PSD3: variants seen among roughly 807,000 people sequenced by gnomAD.
PSD3 encodes PH and SEC7 domain-containing protein 3.
A neutral mutation model predicts 105.5 loss-of-function variants in PSD3; 49 were observed. The observed-to-expected ratio is 0.46, with a 90% CI of 0.37 to 0.59. The LOEUF (loss-of-function observed/expected upper bound fraction) is 0.59. Among genes scored for constraint, PSD3 ranks in the 20% least tolerant of loss-of-function variants. The probability of loss-of-function intolerance (pLI) is 0.00; values close to 1 mark genes in which losing one functional copy is unlikely to be tolerated. For synonymous variants in PSD3, 557 were observed against 457.8 expected (o/e 1.22, Z -2.77); for missense variants, 1,561 against 1,263.8 (o/e 1.24, Z -3.57).
chr8:18,847,287 A>T (rs903439146), intron 4 of PSD3, among the ~76,000 whole-genome samples: 2 of 152,126 alleles, frequency 1.3e-5, no homozygotes, highest in African/African-American at 4.8e-5. Context: ...TTTCAAAGTA[A>T]ATATCTCCCA....
intron 2 of PSD3, among the ~76,000 whole-genome samples, chr8:18,882,222 C>G (rs1419434387): frequency 6.6e-6 from 1 of 151,962 alleles, no homozygotes; most frequent in Non-Finnish European, 1.5e-5. Context: ...AACAAACAAA[C>G]AAACAAACAA....
intron 9 of PSD3, among the ~76,000 whole-genome samples, chr8:18,756,523 T>A (rs1806053863): frequency 6.7e-6 from 1 of 149,974 alleles, no homozygotes; most frequent in Non-Finnish European, 1.5e-5. Flanking sequence ...GAGTTAACAC[T>A]TTAGAAATGC....
At chr8:18,832,726 G>A (rs567339527) in intron 4 of PSD3, among the ~76,000 whole-genome samples, 6 of 152,294 alleles carry the variant, frequency 3.9e-5, no homozygotes, top group South Asian at 2.1e-4. Flanking sequence ...AGGCCTCATC[G>A]TCATGGTGGA....
At chr8:18,793,592 G>A (rs1809951152) in intron 8 of PSD3, among the ~76,000 whole-genome samples, 1 of 152,184 alleles carries the variant, frequency 6.6e-6, no homozygotes, top group South Asian at 2.1e-4. Flanking sequence ...CTCCAAAGGA[G>A]AAGGCAGTGC....
intron 10 of PSD3, among the ~76,000 whole-genome samples, chr8:18,641,331 A>G (rs1435141063): frequency 1.3e-5 from 2 of 152,180 alleles, no homozygotes; most frequent in Non-Finnish European, 2.9e-5. Flanking sequence ...GATGGGAAGG[A>G]GCTCTAAGTT....
chr8:19,013,473 G>A lies in PSD3; in HGVS notation c.21+90C>T, dbSNP rs879808720. On this transcript the variant is annotated intron_variant, in intron 1 of 15. Coordinates refer to ENST00000327040, the MANE Select transcript of PSD3 (RefSeq NM_015310.4). The stretch of plus-strand genomic sequence containing the variant: ...CCCAGGTGGCCCCGGGATCCTGGGG[G>A]ACAGAGCGGCGACAAAGCAACACAA... 2.8e-5 allele frequency: 44 copies of A among 1,551,940 alleles called. No homozygotes were observed. The Admixed American group carries it at 3.1e-4, about 11-fold the overall frequency.
intron 11 of PSD3, among the ~76,000 whole-genome samples, chr8:18,610,215 C>A (rs1238691237): frequency 1.3e-5 from 2 of 152,130 alleles, no homozygotes; most frequent in African/African-American, 2.4e-5. Flanking sequence ...GGCCTTAGGA[C>A]TCTATACTTC....
At chr8:18,682,523 G>A (rs1800445510) in intron 9 of PSD3, among the ~76,000 whole-genome samples, 1 of 152,056 alleles carries the variant, frequency 6.6e-6, no homozygotes, top group African/African-American at 2.4e-5. Context: ...TTGAAGACAC[G>A]TTTCTCTCTA....
Position 19,083,936 on chromosome 8 carries a change from ACTTTT to A in PSD3, c.324+265_324+269del, listed in dbSNP as rs78206399. ...GGTGTTCCCCTATAAAGTATGCCTG[ACTTTT>A]CTTTTCCCATCTTTGGCAGAAATCT... On this transcript the variant is annotated intron_variant, in intron 1 of 1. Coordinates refer to the PSD3 transcript ENST00000521475. Among the ~76,000 whole-genome samples, 295 of 152,262 alleles carry A rather than the reference ACTTTT, an allele frequency of 1.9e-3. 5 individuals carry two copies. The East Asian group carries it at 0.042, about 22-fold the overall frequency.
chr8:18,918,505 T>C (rs1337513811), intron 2 of PSD3, among the ~76,000 whole-genome samples: 3 of 152,188 alleles, frequency 2.0e-5, no homozygotes, highest in African/African-American at 7.2e-5. Flanking sequence ...TTTCTACCTC[T>C]AGCCCAGCAA....
chr8:18,836,593 G>A (rs1814128256), intron 4 of PSD3, among the ~76,000 whole-genome samples: 1 of 152,146 alleles, frequency 6.6e-6, no homozygotes, highest in East Asian at 1.9e-4. Flanking sequence ...ATATCCATGA[G>A]GGATTAGTTC....
intron 1 of PSD3, among the ~76,000 whole-genome samples, chr8:19,024,608 T>A (rs1827479261): frequency 6.6e-6 from 1 of 152,170 alleles, no homozygotes; most frequent in Admixed American, 6.5e-5. Flanking sequence ...TGACTTAGGA[T>A]GGAGCCCCTA....
At chr8:18,724,185 C>A (rs1406311323) in intron 9 of PSD3, among the ~76,000 whole-genome samples, 2 of 152,124 alleles carry the variant, frequency 1.3e-5, no homozygotes, top group Non-Finnish European at 1.5e-5. Flanking sequence ...ATCTCAGCAT[C>A]AGGACGAGTA....
chr8:18,672,920 T>G (rs1356317842), intron 9 of PSD3, among the ~76,000 whole-genome samples: 1 of 152,198 alleles, frequency 6.6e-6, no homozygotes, highest in Non-Finnish European at 1.5e-5. Context: ...CCCTGGAAAT[T>G]ATTCCAGTCT....
At chr8:18,844,780 G>A (rs1359523793) in intron 4 of PSD3, among the ~76,000 whole-genome samples, 1 of 152,196 alleles carries the variant, frequency 6.6e-6, no homozygotes, top group Non-Finnish European at 1.5e-5. Flanking sequence ...CCTCTGCTAT[G>A]GAAGATTTTA....
intron 4 of PSD3, 81 bp downstream of exon 4, chr8:18,867,587 TTAAATA>T: frequency 6.8e-7 from 1 of 1,473,700 alleles, no homozygotes; most frequent in Non-Finnish European, 9.1e-7. Flanking sequence ...GCCAAATGAT[TTAAATA>T]TATATTCCAC....
chr8:18,634,895 T>G (rs1185609000), intron 10 of PSD3, among the ~76,000 whole-genome samples: 1 of 152,128 alleles, frequency 6.6e-6, no homozygotes, highest in Admixed American at 6.6e-5. Context: ...TGTAAGTGTT[T>G]TTGGGGAGAT....
In PSD3 at chr8:18,841,450, A is replaced by G. The variant is rs181119775; in HGVS notation, c.1634+26224T>C. On this transcript the variant is annotated intron_variant, in intron 4 of 15. Coordinates refer to ENST00000327040, the MANE Select transcript of PSD3 (RefSeq NM_015310.4). ...AGTTCTTAGTAAATCTTTATTTTTA[A>G]GAGTGTCTGCTATTTAAACACACAC... is the stretch of plus-strand genomic sequence containing the variant. Among the ~76,000 whole-genome samples, 398 of 143,420 alleles carry G rather than the reference A, an allele frequency of 2.8e-3. 1 individual carries two copies. Among genetic ancestry groups the G allele is most frequent in the Non-Finnish European group, 4.8e-3 (323 of 66,892 alleles). 94.1% of individuals were successfully genotyped at this position (143,420 alleles called of 152,430 possible).
intron 4 of PSD3, chr8:18,865,286 ATTTTTT>A (rs375872604): frequency 1.6e-3 from 23 of 14,112 alleles, no homozygotes; most frequent in African/African-American, 5.3e-3. Context: ...ATATATATAT[ATTTTTT>A]TTTTTTTTTT....
Sources: allele counts gnomAD v4.1 joint callset (sites outside exome capture counted in the v4.1 genomes callset), GRCh38; gene constraint gnomAD v4.1.1; transcripts MANE v1.5; gene names NCBI Gene and HGNC (gene_info 2026-07-23, HGNC 2026-07-21).